Variants in C2CD3 observed in about 807,000 individuals in gnomAD.
C2CD3 encodes the protein C2 domain containing 3 centriole elongation regulator.
In C2CD3, 148 loss-of-function variants were observed where a neutral mutation model predicts 234.0. The ratio of observed to expected loss-of-function variants is 0.63; its 90% CI spans 0.55 to 0.72. C2CD3 has a LOEUF of 0.72. Among genes scored for constraint, C2CD3 ranks in the 30% least tolerant of loss-of-function variants. C2CD3 has a pLI of 0.00. For synonymous variants in C2CD3, 1,000 were observed against 1,035.4 expected, an observed-to-expected ratio of 0.97 and a Z score of 0.66; for missense variants, 2,577 against 2,811.5, an observed-to-expected ratio of 0.92 and a Z score of 1.89.
intron 5 of C2CD3, among the ~76,000 whole-genome samples, chr11:74,135,518 T>G (rs2135539801): frequency 6.6e-6 from 1 of 152,280 alleles, no homozygotes; most frequent in South Asian, 2.1e-4. Flanking sequence ...TAAAGCAAAT[T>G]TTTCTCTGGC....
At chr11:74,158,244 C>G (rs1255199773) in intron 3 of C2CD3, among the ~76,000 whole-genome samples, 1 of 152,200 alleles carries the variant, frequency 6.6e-6, no homozygotes, top group East Asian at 1.9e-4. Flanking sequence ...AGCAAAGGGA[C>G]AACCCACTGA....
Position 74,057,414 on chromosome 11 carries a change from C to T in C2CD3, c.5082G>A (p.Gln1694=). The T allele has an allele frequency of 6.2e-7, 1 of 1,614,170 alleles. No individual in the cohort carries two copies. The highest frequency in any genetic ancestry group is 8.5e-7 in the Non-Finnish European group (1 of 1,179,998). ...NTDSPIWNFQ[Q]QSRLSKELLL... is the part of the protein sequence containing the mutation. ...TAACGGATAACACAAACCTTGACTG[C>T]TGTTGAAAATTCCAGATGGGGGAAT... The change falls in exon 25 of 33, where the codon CAG becomes CAA. Residue 1694 remains glutamine, a synonymous_variant. Transcript: ENST00000334126.
At chr11:74,152,409 C>G in intron 3 of C2CD3, among the ~76,000 whole-genome samples, 1 of 152,126 alleles carries the variant, frequency 6.6e-6, no homozygotes, top group East Asian at 1.9e-4. Flanking sequence ...AGTTAAAAAC[C>G]TTCCCCATAA....
At chr11:74,061,020 G>A (rs1954211865) in intron 24 of C2CD3, among the ~76,000 whole-genome samples, 1 of 152,164 alleles carries the variant, frequency 6.6e-6, no homozygotes, top group South Asian at 2.1e-4. Context: ...GGAAGAAAGG[G>A]TATCAGTGAT....
chr11:74,168,468 TC>T lies in C2CD3; in HGVS notation c.200del (p.Gly67GlufsTer22). Reference sequence around the variant, plus strand: ...AAAAGAGGGTTCCATCTGATGTTTCTCCCCACCATCTCACTCGGACAAGTAC... The same window carrying T: ...AAAAGAGGGTTCCATCTGATGTTTCTCCCACCATCTCACTCGGACAAGTAC... ...TCVLVRVRWWGETSDGTLFCP... is the reference protein window; with the variant it reads ...TCVLVRVRWWXETSDGTLFCP... On this transcript the variant is annotated frameshift_variant, in exon 2 of 33. Coordinates refer to ENST00000334126, the MANE Select transcript of C2CD3 (RefSeq NM_001286577.2). LOFTEE classifies it high-confidence loss of function. 1 of 1,614,174 alleles carries T rather than the reference TC, an allele frequency of 6.2e-7. No homozygotes were observed. Among genetic ancestry groups the T allele is most frequent in the Non-Finnish European group, 8.5e-7 (1 of 1,180,034 alleles).
At chr11:74,143,496 G>A (rs1854946128) in intron 3 of C2CD3, among the ~76,000 whole-genome samples, 1 of 150,026 alleles carries the variant, frequency 6.7e-6, no homozygotes, top group African/African-American at 2.4e-5. Context: ...GGGATTACTG[G>A]TGTGCACCAC....
At position 74,025,620 on chromosome 11, in the gene C2CD3, G is replaced by A. The variant is rs116102164; in HGVS notation, c.6921+2667C>T. Among the ~76,000 whole-genome samples the A allele has an allele frequency of 6.8e-4, 104 of 152,132 alleles. 1 individual carries two copies. Among genetic ancestry groups the A allele is most frequent in the African/African-American group, 2.4e-3 (100 of 41,478 alleles). ...AGACCTTTCCTGTGGGGCATGACTC[G>A]CTGACAGTTCATCCAAGACTCAGAG... is the stretch of plus-strand genomic sequence containing the variant. On this transcript the variant is annotated intron_variant, in intron 32 of 32. Coordinates refer to ENST00000334126, the MANE Select transcript of C2CD3 (RefSeq NM_001286577.2).
intron 19 of C2CD3, 111 bp from the exon 20 acceptor site, chr11:74,091,047 A>C: frequency 9.8e-7 from 1 of 1,023,164 alleles, no homozygotes; most frequent in Non-Finnish European, 1.4e-6. Flanking sequence ...ACAACGAACA[A>C]TAAGGGCAAT....
intron 32 of C2CD3, among the ~76,000 whole-genome samples, chr11:74,024,437 C>G (rs1952210642): frequency 6.6e-6 from 1 of 152,126 alleles, no homozygotes; most frequent in African/African-American, 2.4e-5. Context: ...AGCCAGAAAT[C>G]AGGATGTGAA....
intron 24 of C2CD3, among the ~76,000 whole-genome samples, chr11:74,060,263 A>G (rs893891773): frequency 6.6e-6 from 1 of 152,236 alleles, no homozygotes; most frequent in Non-Finnish European, 1.5e-5. Flanking sequence ...AGCTTTGAAG[A>G]GAGTAGTGGT....
At chr11:74,100,783 C>G in intron 14 of C2CD3, 107 bp from the exon 15 acceptor site, 5 of 898,976 alleles carry the variant, frequency 5.6e-6, no homozygotes, top group Non-Finnish European at 8.4e-6. Context: ...TGTTAACACA[C>G]AGTGTTATGA....
intron 15 of C2CD3, among the ~76,000 whole-genome samples, chr11:74,098,844 T>G (rs1328780880): frequency 2.6e-5 from 4 of 152,230 alleles, no homozygotes; most frequent in Non-Finnish European, 4.4e-5. Context: ...TATAATGCCA[T>G]GCTGAATCTT....
chr11:74,114,724 C>T (rs566258631), intron 9 of C2CD3, 131 bp from the exon 10 acceptor site: 44 of 641,476 alleles, frequency 6.9e-5, no homozygotes, highest in African/African-American at 6.8e-4. Flanking sequence ...ATTTTTGACA[C>T]AGGGTGTTGC....
At chr11:74,032,385 G>A (rs1469353510) in intron 31 of C2CD3, among the ~76,000 whole-genome samples, 1 of 152,130 alleles carries the variant, frequency 6.6e-6, no homozygotes, top group Non-Finnish European at 1.5e-5. Context: ...TGATCAGCTG[G>A]TTAGGCTACA....
chr11:74,025,561 G>A (rs1043270040), intron 32 of C2CD3, among the ~76,000 whole-genome samples: 20 of 152,264 alleles, frequency 1.3e-4, no homozygotes, highest in African/African-American at 3.9e-4. Context: ...AATTCTGCTT[G>A]GAAGGTGAGG....
At chr11:74,136,382 G>A (rs1957861768) in intron 5 of C2CD3, among the ~76,000 whole-genome samples, 1 of 152,120 alleles carries the variant, frequency 6.6e-6, no homozygotes, top group African/African-American at 2.4e-5. Flanking sequence ...TATTTTGTTT[G>A]GCTTGAATAG....
intron 9 of C2CD3, among the ~76,000 whole-genome samples, chr11:74,117,818 CAGA>C (rs1957079795): frequency 6.6e-6 from 1 of 150,670 alleles, no homozygotes; most frequent in African/African-American, 2.4e-5. Flanking sequence ...GAGGCTGAGG[CAGA>C]AGAATTGCTT....
chr11:74,152,337 A>C (rs979228600), intron 3 of C2CD3, among the ~76,000 whole-genome samples: 1 of 152,196 alleles, frequency 6.6e-6, no homozygotes, highest in Non-Finnish European at 1.5e-5. Flanking sequence ...AAACTACCAA[A>C]GCTCACTCAA....
intron 27 of C2CD3, 43 bp from the exon 28 acceptor site, chr11:74,048,381 C>A (rs753792060): frequency 8.7e-6 from 14 of 1,601,272 alleles, no homozygotes; most frequent in Non-Finnish European, 1.2e-5. Context: ...TCACCATAAA[C>A]CCATTCGTAA....
Sources: gnomAD v4.1 joint callset for allele counts (sites outside exome capture counted in the v4.1 genomes callset) on GRCh38, gnomAD v4.1.1 for gene constraint, MANE v1.5 for transcripts, NCBI Gene and HGNC (gene_info 2026-07-23, HGNC 2026-07-21) for gene names.